The following KIRREL3 variants were observed in gnomAD, a reference collection of about 807,000 sequenced individuals.
KIRREL3 encodes kirre like nephrin family adhesion molecule 3, also known as kin of IRRE-like protein 3.
Under a neutral mutation model 89.7 loss-of-function variants are expected in KIRREL3, and 36 were observed. The observed-to-expected ratio is 0.40, with a 90% CI of 0.31 to 0.53. KIRREL3 has a LOEUF of 0.53. KIRREL3 is among the 20% of genes least tolerant of loss of function. The pLI is 0.49. For synonymous variants in KIRREL3, 445 were observed against 441.4 expected, an observed-to-expected ratio of 1.01 and a Z score of -0.10; for missense variants, 864 against 1,056.6, an observed-to-expected ratio of 0.82 and a Z score of 2.53.
chr11:126,589,811 C>A (rs1320047926), intron 1 of KIRREL3, among the ~76,000 whole-genome samples: 3 of 152,190 alleles, frequency 2.0e-5, no homozygotes, highest in African/African-American at 7.2e-5. Context: ...CCACTTTATC[C>A]TGCCACCTCA....
intron 1 of KIRREL3, among the ~76,000 whole-genome samples, chr11:126,789,936 AC>A (rs1316452251): frequency 6.6e-6 from 1 of 152,146 alleles, no homozygotes; most frequent in Non-Finnish European, 1.5e-5. Context: ...TTCAGCCCAA[AC>A]CTTTACACTA....
At position 126,647,436 on chromosome 11, in the gene KIRREL3, C is replaced by T. The variant is rs1363176446; in HGVS notation, c.56-84524G>A. Among the ~76,000 whole-genome samples, 1 of 152,200 alleles carries T rather than the reference C, an allele frequency of 6.6e-6. No individual in the cohort carries two copies. The highest frequency in any genetic ancestry group is 1.9e-4 in the East Asian group (1 of 5,204). Reference sequence around the variant, plus strand: ...CCCCTTTCCCTCTAATCAAATTCAACCCCACCCCTCTCACCAGGGTCCAAG... The same window carrying T: ...CCCCTTTCCCTCTAATCAAATTCAATCCCACCCCTCTCACCAGGGTCCAAG... On this transcript the variant is annotated intron_variant, in intron 1 of 16. Transcript: ENST00000525144. This position sits in a 1 kb window ranked among gnomAD's most constrained non-coding sequence, Gnocchi z 4.9.
At chr11:126,913,585 C>T (rs1168092569) in intron 1 of KIRREL3, among the ~76,000 whole-genome samples, 1 of 152,200 alleles carries the variant, frequency 6.6e-6, no homozygotes, top group Non-Finnish European at 1.5e-5. Flanking sequence ...GGAGCTAAGA[C>T]AAAGACAGAA....
intron 1 of KIRREL3, among the ~76,000 whole-genome samples, chr11:126,875,681 C>G (rs1945259294): frequency 6.6e-6 from 1 of 152,204 alleles, no homozygotes; most frequent in Non-Finnish European, 1.5e-5. Flanking sequence ...TTCAAAGTGA[C>G]AGTGCTCTGG....
intron 1 of KIRREL3, among the ~76,000 whole-genome samples, chr11:126,911,279 G>A (rs1434286311): frequency 5.9e-5 from 9 of 152,180 alleles, no homozygotes; most frequent in Non-Finnish European, 1.5e-5. Flanking sequence ...AAATGGCATT[G>A]TTGTCAAACT....
At chr11:126,862,535 C>A (rs528222617) in intron 1 of KIRREL3, among the ~76,000 whole-genome samples, 23 of 152,244 alleles carry the variant, frequency 1.5e-4, no homozygotes, top group African/African-American at 5.3e-4. Flanking sequence ...GGCACATGGG[C>A]AGCAGGTTTG....
At chr11:126,850,945 T>C (rs1352943883) in intron 1 of KIRREL3, among the ~76,000 whole-genome samples, 1 of 152,166 alleles carries the variant, frequency 6.6e-6, no homozygotes, top group African/African-American at 2.4e-5. Flanking sequence ...ACACATACAC[T>C]GCAAAATAAA....
At chr11:126,619,932 C>T (rs531679407) in intron 1 of KIRREL3, among the ~76,000 whole-genome samples, 1 of 152,218 alleles carries the variant, frequency 6.6e-6, no homozygotes, top group African/African-American at 2.4e-5. Flanking sequence ...CTTCATTCCT[C>T]ACTTCTTGAC....
intron 13 of KIRREL3, among the ~76,000 whole-genome samples, chr11:126,433,906 TG>T (rs937401099): frequency 2.0e-5 from 3 of 152,224 alleles, no homozygotes; most frequent in African/African-American, 7.2e-5. Context: ...CCTGGAGAGC[TG>T]GGCAGCAGCA....
chr11:126,967,624 G>A (rs1273517152), intron 1 of KIRREL3, among the ~76,000 whole-genome samples: 1 of 151,948 alleles, frequency 6.6e-6, no homozygotes, highest in Non-Finnish European at 1.5e-5. Context: ...GAAATGGCCA[G>A]GATCGTGTCC....
rs996993206 is a variant in KIRREL3, at chr11:126,996,045, A to C, written c.55+4410T>G. On this transcript the variant is annotated intron_variant, in intron 1 of 16. Transcript: ENST00000525144. This position sits in a 1 kb window ranked among gnomAD's most constrained non-coding sequence, Gnocchi z 4.7. ...ACCCCACCCCACTCGTCCTCCCCCT[A>C]GGGACTTTCTTTTCCATCCTCAATA... is the stretch of plus-strand genomic sequence containing the variant. Among the ~76,000 whole-genome samples, 5 of 152,068 alleles carry C rather than the reference A, an allele frequency of 3.3e-5. No individual in the cohort carries two copies. The highest frequency in any genetic ancestry group is 5.9e-5 in the Non-Finnish European group (4 of 68,008).
At chr11:126,497,185 AGAGTGT>A (rs1957685012) in intron 4 of KIRREL3, among the ~76,000 whole-genome samples, 2 of 116,728 alleles carry the variant, frequency 1.7e-5, no homozygotes, top group Admixed American at 9.5e-5. Context: ...AGAGTGTGTG[AGAGTGT>A]GAGTGTGTGT....
At position 126,462,048 on chromosome 11, in the gene KIRREL3, G is replaced by T. The variant is rs1277389465; in HGVS notation, c.742+1109C>A. Among the ~76,000 whole-genome samples, 1 of 152,116 alleles carries T rather than the reference G, an allele frequency of 6.6e-6. No homozygotes were observed. Among genetic ancestry groups the T allele is most frequent in the Non-Finnish European group, 1.5e-5 (1 of 68,024 alleles). On this transcript the variant is annotated intron_variant, in intron 6 of 16. Coordinates refer to ENST00000525144, the MANE Select transcript of KIRREL3 (RefSeq NM_032531.4). The surrounding 1 kb of genome is among the most constrained non-coding windows in gnomAD (Gnocchi z 4.8). ...GAACTAATCCAGTCTTGAGAGGAAGGCCCCTGGAACACCTTGCTGAGCTCT... is the reference window on the plus strand; with the variant it reads ...GAACTAATCCAGTCTTGAGAGGAAGTCCCCTGGAACACCTTGCTGAGCTCT...
At position 126,955,633 on chromosome 11, in the gene KIRREL3, C is replaced by T. The variant is rs557274227; in HGVS notation, c.55+44822G>A. On this transcript the variant is annotated intron_variant, in intron 1 of 16. Coordinates refer to ENST00000525144, the MANE Select transcript of KIRREL3 (RefSeq NM_032531.4). The surrounding 1 kb of genome is among the most constrained non-coding windows in gnomAD (Gnocchi z 4.6). ...TTCCTTCCATCATTTGCTCCCTCAA[C>T]CACACATATTTATTAAGTAGCTACT... is the stretch of plus-strand genomic sequence containing the variant. 2.0e-5 allele frequency among the ~76,000 whole-genome samples: 3 copies of T among 152,202 alleles called. No homozygotes were observed. Among genetic ancestry groups the T allele is most frequent in the Non-Finnish European group, 4.4e-5 (3 of 68,034 alleles).
chr11:126,811,013 C>A lies in KIRREL3; in HGVS notation c.55+189442G>T, dbSNP rs1951367699. ...AGCCTTGCAGCCGGTCTGACAAACC[C>A]CATCTGCTTCGTTCTCTTGGCCACC... On this transcript the variant is annotated intron_variant, in intron 1 of 16. Coordinates refer to ENST00000525144, the MANE Select transcript of KIRREL3 (RefSeq NM_032531.4). The surrounding 1 kb of genome is among the most constrained non-coding windows in gnomAD (Gnocchi z 4.3). Among the ~76,000 whole-genome samples the A allele has an allele frequency of 6.6e-6, 1 of 152,154 alleles. No individual in the cohort carries two copies. Among genetic ancestry groups the A allele is most frequent in the Non-Finnish European group, 1.5e-5 (1 of 68,016 alleles).
chr11:126,923,135 T>TCCTTCTTC (rs1947442791), intron 1 of KIRREL3, among the ~76,000 whole-genome samples: 1 of 10,342 alleles, frequency 9.7e-5, no homozygotes, highest in Admixed American at 1.0e-3. Flanking sequence ...TCTTCTCTTC[T>TCCTTCTTC]TCTTCTTCTT....
intron 1 of KIRREL3, among the ~76,000 whole-genome samples, chr11:126,770,264 C>A (rs1440124747): frequency 1.3e-5 from 2 of 152,178 alleles, no homozygotes; most frequent in Non-Finnish European, 2.9e-5. Context: ...TTGCCTTAAA[C>A]ATGCCTGAGA....
chr11:126,971,969 T>G (rs527779379), intron 1 of KIRREL3, among the ~76,000 whole-genome samples: 1 of 152,148 alleles, frequency 6.6e-6, no homozygotes, highest in African/African-American at 2.4e-5. Context: ...TACATGGCCC[T>G]TTATCCAATT....
intron 1 of KIRREL3, among the ~76,000 whole-genome samples, chr11:126,581,400 C>A (rs1941545518): frequency 6.6e-6 from 1 of 152,110 alleles, no homozygotes; most frequent in Non-Finnish European, 1.5e-5. Flanking sequence ...CAGGGTTTCA[C>A]CTTGTTGACC....
Sources: gnomAD v4.1 joint callset for allele counts (sites outside exome capture counted in the v4.1 genomes callset) on GRCh38, gnomAD v4.1.1 for gene constraint, Gnocchi (gnomAD v3.1) non-coding constraint, MANE v1.5 for transcripts, NCBI Gene and HGNC (gene_info 2026-07-23, HGNC 2026-07-21) for gene names.